Variants in FGF12 observed in about 807,000 individuals in gnomAD.
The protein encoded by FGF12 is fibroblast growth factor 12, also known as fibroblast growth factor 12B.
A neutral mutation model predicts 23.6 loss-of-function variants in FGF12; 14 were observed. The ratio of observed to expected loss-of-function variants is 0.59; its 90% CI spans 0.39 to 0.93. The LOEUF is 0.93. FGF12 is among the 40% of genes least tolerant of loss of function. FGF12 has a pLI of 0.00. For synonymous variants in FGF12, 62 were observed against 77.3 expected, an observed-to-expected ratio of 0.80 and a Z score of 1.04; for missense variants, 175 against 217.8, an observed-to-expected ratio of 0.80 and a Z score of 1.24.
intron 2 of FGF12, among the ~76,000 whole-genome samples, chr3:192,684,971 C>A (rs1717679654): frequency 6.6e-6 from 1 of 152,170 alleles, no homozygotes; most frequent in South Asian, 2.1e-4. Context: ...GGCATATTTA[C>A]CTCCTTGTGC....
At chr3:192,655,517 C>G (rs1398601197) in intron 2 of FGF12, among the ~76,000 whole-genome samples, 1 of 152,164 alleles carries the variant, frequency 6.6e-6, no homozygotes, top group African/African-American at 2.4e-5. Flanking sequence ...ATCACAACAT[C>G]ACCATACCAG....
intron 2 of FGF12, among the ~76,000 whole-genome samples, chr3:192,530,529 T>C (rs1178655629): frequency 6.6e-6 from 1 of 152,226 alleles, no homozygotes; most frequent in Non-Finnish European, 1.5e-5. Flanking sequence ...TCATTTGTTA[T>C]TTGAGATTAT....
intron 2 of FGF12, among the ~76,000 whole-genome samples, chr3:192,370,313 ACT>A (rs764720538): frequency 1.3e-5 from 2 of 152,148 alleles, no homozygotes; most frequent in Non-Finnish European, 2.9e-5. Context: ...TGTATGTGCC[ACT>A]CTGTAAATTT....
In FGF12 at chr3:192,407,723, T is replaced by TGAATGAATGAATGAATGAATG. The variant is rs760552008; in HGVS notation, c.14-47186_14-47185insCATTCATTCATTCATTCATTC. Among the ~76,000 whole-genome samples the TGAATGAATGAATGAATGAATG allele has an allele frequency of 1.2e-3, 177 of 147,594 alleles. 1 individual carries two copies. Among genetic ancestry groups the TGAATGAATGAATGAATGAATG allele is most frequent in the African/African-American group, 1.2e-3 (47 of 38,316 alleles). On this transcript the variant is annotated intron_variant, in intron 2 of 5. Coordinates refer to ENST00000445105, the MANE Select transcript of FGF12 (RefSeq NM_004113.6). Reference sequence around the variant, plus strand: ...AGAGAGAAGAGATGAATGAATGAATTAATGAATGAAGTGGTCACTCCCCTC... The same window carrying TGAATGAATGAATGAATGAATG: ...AGAGAGAAGAGATGAATGAATGAATTGAATGAATGAATGAATGAATGAATGAATGAAGTGGTCACTCCCCTC...
chr3:192,207,930 A>G (rs1370463827), intron 4 of FGF12, among the ~76,000 whole-genome samples: 1 of 152,186 alleles, frequency 6.6e-6, no homozygotes, highest in Non-Finnish European at 1.5e-5. Flanking sequence ...AGCTAAGCAG[A>G]GGAAAATCCT....
At chr3:192,400,255 G>A (rs1003607464) in intron 2 of FGF12, among the ~76,000 whole-genome samples, 2 of 152,078 alleles carry the variant, frequency 1.3e-5, no homozygotes, top group Non-Finnish European at 2.9e-5. Context: ...CGATTCGAAG[G>A]CCAATGAGTG....
chr3:192,456,252 C>G (rs1722678385), intron 2 of FGF12, among the ~76,000 whole-genome samples: 1 of 152,206 alleles, frequency 6.6e-6, no homozygotes, highest in African/African-American at 2.4e-5. Flanking sequence ...TCAAAAATTT[C>G]TTTCTACTTT....
chr3:192,429,904 A>T (rs1576975883), intron 2 of FGF12, among the ~76,000 whole-genome samples: 1 of 152,342 alleles, frequency 6.6e-6, no homozygotes, highest in East Asian at 1.9e-4. Flanking sequence ...TTCTGTATAG[A>T]TATACCAGAT....
At chr3:192,432,377 A>T (rs914162222) in intron 2 of FGF12, among the ~76,000 whole-genome samples, 1 of 152,164 alleles carries the variant, frequency 6.6e-6, no homozygotes, top group Non-Finnish European at 1.5e-5. Flanking sequence ...CCAAAAACAC[A>T]ACAAGATTCT....
chr3:192,684,201 ACT>A (rs1717648238), intron 2 of FGF12, among the ~76,000 whole-genome samples: 1 of 152,016 alleles, frequency 6.6e-6, no homozygotes. Context: ...CTGCAGAAAC[ACT>A]CTCTGTTGCT....
At chr3:192,217,124 T>C (rs1718231613) in intron 4 of FGF12, among the ~76,000 whole-genome samples, 1 of 152,168 alleles carries the variant, frequency 6.6e-6, no homozygotes, top group African/African-American at 2.4e-5. Flanking sequence ...ATAACTAGCT[T>C]TCTGGCACTG....
At chr3:192,181,894 G>A (rs759134297) in intron 4 of FGF12, among the ~76,000 whole-genome samples, 10 of 151,894 alleles carry the variant, frequency 6.6e-5, no homozygotes, top group Non-Finnish European at 1.2e-4. Flanking sequence ...ACAGACATGG[G>A]CCACCATGCT....
At chr3:192,232,848 C>A (rs562544737) in intron 4 of FGF12, among the ~76,000 whole-genome samples, 1 of 152,236 alleles carries the variant, frequency 6.6e-6, no homozygotes, top group South Asian at 2.1e-4. Flanking sequence ...TAATGGCCTG[C>A]AGCTTCATCC....
chr3:192,285,366 C>T (rs1054211360), intron 4 of FGF12, among the ~76,000 whole-genome samples: 12 of 152,016 alleles, frequency 7.9e-5, no homozygotes, highest in African/African-American at 2.4e-4. Context: ...CTTTTCACTA[C>T]AATCTCAAGC....
intron 4 of FGF12, among the ~76,000 whole-genome samples, chr3:192,301,470 T>C (rs1715345807): frequency 6.6e-6 from 1 of 152,224 alleles, no homozygotes; most frequent in South Asian, 2.1e-4. Flanking sequence ...TCCAATGGTA[T>C]AGAAACACCA....
intron 3 of FGF12, among the ~76,000 whole-genome samples, chr3:192,355,122 G>C (rs911657799): frequency 6.6e-6 from 1 of 152,156 alleles, no homozygotes; most frequent in Non-Finnish European, 1.5e-5. Flanking sequence ...AATGAAGAAA[G>C]CACATACCCT....
chr3:192,672,530 C>T (rs1209444708), intron 2 of FGF12, among the ~76,000 whole-genome samples: 1 of 150,808 alleles, frequency 6.6e-6, no homozygotes, highest in East Asian at 1.9e-4. Flanking sequence ...GACTAATCAT[C>T]ACATTTTACC....
At chr3:192,564,291 T>C (rs965501517) in intron 2 of FGF12, among the ~76,000 whole-genome samples, 1 of 152,288 alleles carries the variant, frequency 6.6e-6, no homozygotes. Context: ...CTTGAACTCC[T>C]GACCTCGGGT....
At position 192,143,971 on chromosome 3, in the gene FGF12, G is replaced by T; in HGVS notation, c.*38C>A. The stretch of plus-strand genomic sequence containing the variant: ...TGGGTAAATGGGAAGGAAGGGAAGG[G>T]GAAGGGATGAGAGAGGGAAGAAGGG... On this transcript the variant is annotated 3_prime_UTR_variant, in exon 6 of 6. Coordinates refer to ENST00000445105, the MANE Select transcript of FGF12 (RefSeq NM_004113.6). 1 of 1,229,830 alleles carries T rather than the reference G, an allele frequency of 8.1e-7. No individual in the cohort carries two copies. 76.2% of individuals were successfully genotyped at this position (1,229,830 alleles called of 1,614,324 possible). A position where few individuals can be genotyped will look rare whatever the true frequency, so the allele number is the denominator to read the frequency against.
Sources: gnomAD v4.1 joint callset for allele counts (sites outside exome capture counted in the v4.1 genomes callset) on GRCh38, gnomAD v4.1.1 for gene constraint, MANE v1.5 for transcripts, NCBI Gene and HGNC (gene_info 2026-07-23, HGNC 2026-07-21) for gene names.